The following BIRC6 variants were observed in gnomAD, a reference collection of about 807,000 sequenced individuals.
BIRC6 encodes the protein dual E2 ubiquitin-conjugating enzyme/E3 ubiquitin-protein ligase BIRC6.
In BIRC6, 98 loss-of-function variants were observed where a neutral mutation model predicts 503.3. That is an observed-to-expected ratio of 0.19 (90% CI 0.17 to 0.23). The LOEUF is 0.23. BIRC6 is among the 10% of genes least tolerant of loss of function. BIRC6 has a pLI of 1.00. For synonymous variants in BIRC6, 2,240 were observed against 2,078.7 expected, an observed-to-expected ratio of 1.08 and a Z score of -2.11; for missense variants, 5,360 against 5,806.0, an observed-to-expected ratio of 0.92 and a Z score of 2.50.
intron 69 of BIRC6, among the ~76,000 whole-genome samples, chr2:32,598,386 C>A (rs1359662948): frequency 6.6e-6 from 1 of 152,046 alleles, no homozygotes; most frequent in Non-Finnish European, 1.5e-5. Context: ...ACAGGATTTC[C>A]ATTTTGTCAT....
chr2:32,604,087 A>AT (rs2062259632), intron 71 of BIRC6, among the ~76,000 whole-genome samples: 1 of 152,062 alleles, frequency 6.6e-6, no homozygotes, highest in Admixed American at 6.6e-5. Flanking sequence ...TATAGAAATT[A>AT]TTTTTAGTGT....
At chr2:32,508,298 T>C in intron 51 of BIRC6, 39 bp downstream of exon 51, 1 of 1,368,918 alleles carries the variant, frequency 7.3e-7, no homozygotes, top group Non-Finnish European at 9.7e-7. Context: ...TTTTTTTTTT[T>C]TTTTTGGCAT....
rs1053715680 is a variant in BIRC6 at position 32,525,000 on chromosome 2, C to T, written c.11736C>T (p.Tyr3912=). The T allele has an allele frequency of 1.3e-6, 2 of 1,567,792 alleles. No individual in the cohort carries two copies. Among genetic ancestry groups the T allele is most frequent in the East Asian group, 2.3e-5 (1 of 43,270 alleles). The part of the protein sequence containing the change: ...VKAENGFQDN[Y]SVVVASGLKS... Reference sequence around the variant, plus strand: ...CGGAAAATGGATTTCAAGACAATTACAGTGTTGTTGTTGCCTCTGGTATGC... The same window carrying T: ...CGGAAAATGGATTTCAAGACAATTATAGTGTTGTTGTTGCCTCTGGTATGC... The change falls in exon 58 of 74, where the codon TAC becomes TAT. Residue 3912 remains tyrosine, a synonymous_variant. Transcript: ENST00000421745.
chr2:32,444,356 A>G (rs982167751), intron 20 of BIRC6, among the ~76,000 whole-genome samples: 1 of 152,192 alleles, frequency 6.6e-6, no homozygotes, highest in African/African-American at 2.4e-5. Flanking sequence ...AAAACATCAC[A>G]TATACCCCCT....
chr2:32,580,094 C>A (rs1215161868), intron 66 of BIRC6, among the ~76,000 whole-genome samples: 1 of 151,796 alleles, frequency 6.6e-6, no homozygotes, highest in African/African-American at 2.4e-5. Context: ...GCTGGGATTA[C>A]AGGCGTGTGT....
chr2:32,434,609 A>T (rs1381842235), intron 13 of BIRC6, among the ~76,000 whole-genome samples: 1 of 152,264 alleles, frequency 6.6e-6, no homozygotes, highest in Admixed American at 6.5e-5. Context: ...GCATTTTGAG[A>T]GGCCAAGGCA....
intron 10 of BIRC6, 44 bp from the exon 11 acceptor site, chr2:32,429,094 ATTTGAATG>A (rs2043833008): frequency 6.9e-7 from 1 of 1,443,810 alleles, no homozygotes; most frequent in Admixed American, 2.3e-5. Flanking sequence ...ACATTTGAAT[ATTTGAATG>A]TTTACCTATT....
At chr2:32,598,025 T>A (rs953797019) in intron 69 of BIRC6, 57 bp downstream of exon 69, 2 of 1,394,842 alleles carry the variant, frequency 1.4e-6, no homozygotes, top group Admixed American at 4.5e-5. Context: ...ATCTAATTAC[T>A]CAAATTTTTA....
chr2:32,559,013 C>T (rs1035927061), intron 65 of BIRC6: 1 of 152,102 alleles, frequency 6.6e-6, no homozygotes, highest in African/African-American at 2.4e-5. Flanking sequence ...AACCTTTACA[C>T]TGTTCTTTTT....
chr2:32,440,345 G>A (rs1437715920), intron 16 of BIRC6, among the ~76,000 whole-genome samples: 2 of 152,048 alleles, frequency 1.3e-5, no homozygotes. Context: ...CTTGTTTTTG[G>A]TGACTATTTG....
Position 32,388,788 on chromosome 2 carries a change from G to A in BIRC6, c.684G>A (p.Leu228=). 6.2e-7 allele frequency: 1 copy of A among 1,609,930 alleles called. No individual in the cohort carries two copies. The highest frequency in any genetic ancestry group is 8.5e-7 in the Non-Finnish European group (1 of 1,178,426). The change falls in exon 4 of 74, where the codon TTG becomes TTA. Residue 228 remains leucine (L), a synonymous_variant. Coordinates refer to ENST00000421745, the MANE Select transcript of BIRC6 (RefSeq NM_016252.4). ...CATTTCATCTTCCTCATCATGTGTTGAAGTCCATTGCCAGTGCCATTGTAA... is the reference window on the plus strand; with the variant it reads ...CATTTCATCTTCCTCATCATGTGTTAAAGTCCATTGCCAGTGCCATTGTAA... The part of the protein sequence containing the change: ...TVTFHLPHHV[L]KSIASAIVNE...
At chr2:32,362,899 T>C (rs2034342261) in intron 1 of BIRC6, among the ~76,000 whole-genome samples, 1 of 152,224 alleles carries the variant, frequency 6.6e-6, no homozygotes, top group African/African-American at 2.4e-5. Context: ...TCTGTTCCAG[T>C]TTCCTTATTT....
At chr2:32,370,438 T>C (rs1179762771) in intron 1 of BIRC6, among the ~76,000 whole-genome samples, 1 of 152,188 alleles carries the variant, frequency 6.6e-6, no homozygotes, top group Non-Finnish European at 1.5e-5. Flanking sequence ...ATGTTGGTTC[T>C]CTTGCCTGAA....
intron 51 of BIRC6, among the ~76,000 whole-genome samples, chr2:32,509,470 G>A (rs995657345): frequency 1.3e-5 from 2 of 152,074 alleles, no homozygotes; most frequent in South Asian, 2.1e-4. Flanking sequence ...GGCCAGGATG[G>A]TCTCGAACTC....
At chr2:32,458,802 T>C (rs2148737604) in intron 23 of BIRC6, among the ~76,000 whole-genome samples, 1 of 150,246 alleles carries the variant, frequency 6.7e-6, no homozygotes, top group African/African-American at 2.4e-5. Flanking sequence ...CAAGTGATTC[T>C]TCCACCTCAA....
At chr2:32,606,939 G>A (rs1423191818) in intron 71 of BIRC6, among the ~76,000 whole-genome samples, 2 of 151,660 alleles carry the variant, frequency 1.3e-5, no homozygotes, top group Admixed American at 6.6e-5. Flanking sequence ...TCTGGGAGGC[G>A]GAGGTTGCAG....
chr2:32,495,670 C>T (rs1436884302), intron 45 of BIRC6, among the ~76,000 whole-genome samples: 1 of 152,020 alleles, frequency 6.6e-6, no homozygotes, highest in Non-Finnish European at 1.5e-5. Flanking sequence ...TTACCCTCCT[C>T]ACACAAAGTC....
chr2:32,446,711 A>G (rs182054641), intron 21 of BIRC6, among the ~76,000 whole-genome samples: 1 of 143,940 alleles, frequency 6.9e-6, no homozygotes, highest in East Asian at 2.1e-4. Flanking sequence ...TGATGGGTCA[A>G]ATCTAGTCAG....
chr2:32,480,600 A>G (rs1226679699), intron 37 of BIRC6, among the ~76,000 whole-genome samples: 1 of 146,610 alleles, frequency 6.8e-6, no homozygotes, highest in Non-Finnish European at 1.5e-5. Flanking sequence ...CTAATTCATA[A>G]CAGAAAAATA....
Sources: gnomAD v4.1 joint callset for allele counts (sites outside exome capture counted in the v4.1 genomes callset) on GRCh38, gnomAD v4.1.1 for gene constraint, MANE v1.5 for transcripts, NCBI Gene and HGNC (gene_info 2026-07-23, HGNC 2026-07-21) for gene names.